Variants in PLD5 observed in about 807,000 individuals in gnomAD.
PLD5 encodes the protein phospholipase D family member 5.
A neutral mutation model predicts 61.1 loss-of-function variants in PLD5; 36 were observed. The ratio of observed to expected loss-of-function variants is 0.59; its 90% CI spans 0.45 to 0.78. PLD5 has a LOEUF of 0.78. Ranked by LOEUF, PLD5 falls within the 30% of genes least tolerant of loss-of-function variation. The probability of loss-of-function intolerance (pLI) is 0.00; values close to 1 mark genes in which losing one functional copy is unlikely to be tolerated. For synonymous variants in PLD5, 243 were observed against 242.8 expected (o/e 1.00, Z -0.01); for missense variants, 515 against 644.4 (o/e 0.80, Z 2.17).
intron 5 of PLD5, among the ~76,000 whole-genome samples, chr1:242,168,873 C>T (rs1244714620): frequency 2.6e-5 from 1 of 38,516 alleles, no homozygotes; most frequent in Non-Finnish European, 4.4e-5. Context: ...TTTTACCACC[C>T]CCCATGATTC....
At chr1:242,191,852 C>T (rs892909991) in intron 5 of PLD5, among the ~76,000 whole-genome samples, 10 of 149,444 alleles carry the variant, frequency 6.7e-5, no homozygotes, top group African/African-American at 2.2e-4. Flanking sequence ...CAGACTGGGG[C>T]GAAATAGGAG....
At chr1:242,245,308 A>G (rs1270202998) in intron 4 of PLD5, among the ~76,000 whole-genome samples, 2 of 152,242 alleles carry the variant, frequency 1.3e-5, no homozygotes, top group African/African-American at 4.8e-5. Flanking sequence ...TGACTGAGGC[A>G]TAATTATAGG....
chr1:242,103,441 A>G (rs1660830316), intron 8 of PLD5, among the ~76,000 whole-genome samples: 1 of 152,142 alleles, frequency 6.6e-6, no homozygotes, highest in African/African-American at 2.4e-5. Context: ...AAACTCCACC[A>G]AGCGTCATGT....
chr1:242,505,195 T>C (rs1668683056), intron 1 of PLD5, among the ~76,000 whole-genome samples: 2 of 152,148 alleles, frequency 1.3e-5, no homozygotes, highest in South Asian at 4.1e-4. Context: ...ACATTAACAA[T>C]AATATGAAAT....
intron 5 of PLD5, among the ~76,000 whole-genome samples, chr1:242,175,547 G>A (rs1446309426): frequency 6.6e-6 from 1 of 152,168 alleles, no homozygotes; most frequent in South Asian, 2.1e-4. Flanking sequence ...ATAAGACAAG[G>A]ATGCCTTCTC....
intron 1 of PLD5, among the ~76,000 whole-genome samples, chr1:242,453,537 T>C (rs370883535): frequency 1.4e-4 from 21 of 152,294 alleles, no homozygotes; most frequent in East Asian, 5.8e-4. Context: ...ATTACCTCCC[T>C]ACACAGTGTA....
Position 242,088,460 on chromosome 1 carries a change from G to T in PLD5, c.*1394C>A, listed in dbSNP as rs1659575297. ...TATTATAATGCTTAGCATTTATATA[G>T]GTTCTTTTGATTTCAAAACAAGTTA... On this transcript the variant is annotated 3_prime_UTR_variant, in exon 10 of 10. Coordinates refer to ENST00000536534, the MANE Select transcript of PLD5 (RefSeq NM_001372062.1). The T allele has an allele frequency of 6.6e-6, 1 of 152,106 alleles. No individual in the cohort carries two copies. The highest frequency in any genetic ancestry group is 1.5e-5 in the Non-Finnish European group (1 of 68,028). The allele number at this position is 152,106 out of a possible 1,614,324, so 9.4% of individuals were successfully genotyped here.
At chr1:242,282,957 G>C (rs1674798864) in intron 3 of PLD5, among the ~76,000 whole-genome samples, 1 of 152,138 alleles carries the variant, frequency 6.6e-6, no homozygotes, top group Non-Finnish European at 1.5e-5. Context: ...TACGGAGTAA[G>C]GGCACCGTCC....
In PLD5 at chr1:242,265,831, A is replaced by G. The variant is rs544453172; in HGVS notation, c.496-383T>C. ...ATTCCAGCTGGTTTTCCAATTTAAAAGCTGTTTCTTAATCTCACTAATCTC... is the reference window on the plus strand; with the variant it reads ...ATTCCAGCTGGTTTTCCAATTTAAAGGCTGTTTCTTAATCTCACTAATCTC... On this transcript the variant is annotated intron_variant, in intron 3 of 9. Coordinates refer to ENST00000536534, the MANE Select transcript of PLD5 (RefSeq NM_001372062.1). Among the ~76,000 whole-genome samples the G allele has an allele frequency of 9.7e-4, 148 of 152,334 alleles. 1 individual carries two copies. Among genetic ancestry groups the G allele is most frequent in the African/African-American group, 3.5e-3 (145 of 41,588 alleles).
chr1:242,107,651 A>C lies in PLD5; in HGVS notation c.1239+20T>G. 2 of 1,552,010 alleles carry C rather than the reference A, an allele frequency of 1.3e-6. No homozygotes were observed. Among genetic ancestry groups the C allele is most frequent in the Non-Finnish European group, 1.7e-6 (2 of 1,152,282 alleles). On this transcript the variant is annotated intron_variant, in intron 8 of 9. Coordinates refer to ENST00000536534, the MANE Select transcript of PLD5 (RefSeq NM_001372062.1). The stretch of plus-strand genomic sequence containing the variant: ...GGGCATTCACTTTTTATTTAATAAC[A>C]CAGTCAACGTAATACTTACAACTTT...
chr1:242,376,102 T>C (rs1472559743), intron 1 of PLD5, among the ~76,000 whole-genome samples: 1 of 152,256 alleles, frequency 6.6e-6, no homozygotes, highest in Non-Finnish European at 1.5e-5. Context: ...GCAACTTTTA[T>C]AGTAGTCCAG....
chr1:242,162,665 G>A (rs532502084), intron 5 of PLD5, among the ~76,000 whole-genome samples: 10 of 152,014 alleles, frequency 6.6e-5, no homozygotes, highest in Non-Finnish European at 1.3e-4. Context: ...AACAAACATT[G>A]AGTTCTAGCT....
intron 1 of PLD5, among the ~76,000 whole-genome samples, chr1:242,444,468 A>C (rs529359505): frequency 6.6e-6 from 1 of 151,890 alleles, no homozygotes; most frequent in Admixed American, 6.6e-5. Context: ...TGTAGCCATT[A>C]GTAATTTCTA....
chr1:242,382,453 G>C (rs1314698320), intron 1 of PLD5, among the ~76,000 whole-genome samples: 2 of 152,142 alleles, frequency 1.3e-5, no homozygotes, highest in African/African-American at 4.8e-5. Context: ...TGTGAGGTGG[G>C]AATGTAATTA....
chr1:242,262,495 C>T (rs1349138062), intron 4 of PLD5, among the ~76,000 whole-genome samples: 1 of 152,060 alleles, frequency 6.6e-6, no homozygotes, highest in Non-Finnish European at 1.5e-5. Context: ...TGGGGGAACA[C>T]GTAAGGTGAT....
intron 1 of PLD5, among the ~76,000 whole-genome samples, chr1:242,455,463 T>A (rs1666916113): frequency 6.6e-6 from 1 of 152,206 alleles, no homozygotes; most frequent in Non-Finnish European, 1.5e-5. Flanking sequence ...ACAAGCAGCT[T>A]AATGAAGTGA....
intron 1 of PLD5, among the ~76,000 whole-genome samples, chr1:242,498,488 T>C (rs1304704064): frequency 6.6e-6 from 1 of 152,222 alleles, no homozygotes; most frequent in African/African-American, 2.4e-5. Context: ...TTAAACATCT[T>C]TTTTTAAACT....
chr1:242,373,160 C>G (rs565221026), intron 1 of PLD5, among the ~76,000 whole-genome samples: 2 of 152,190 alleles, frequency 1.3e-5, no homozygotes, highest in East Asian at 3.9e-4. Context: ...AGACACTTCT[C>G]AAAGAAGACA....
Position 242,124,600 on chromosome 1 carries a change from A to G in PLD5, c.801T>C (p.Phe267=). 1 of 1,613,984 alleles carries G rather than the reference A, an allele frequency of 6.2e-7. No individual in the cohort carries two copies. The highest frequency in any genetic ancestry group is 2.2e-5 in the East Asian group (1 of 44,856). ...TGAATTTTAATGAACTATATAGAGC[A>G]AATATCCTTTGTAAATCTAGGACCA... ...SCLVLDLQRI[F]ALYSSLKFKS... is the part of the protein sequence containing the mutation. Residue 267 remains phenylalanine (F), a synonymous_variant, in exon 6 of 10, where the codon TTT becomes TTC. Transcript: ENST00000536534.
Sources: allele counts gnomAD v4.1 joint callset (sites outside exome capture counted in the v4.1 genomes callset), GRCh38; gene constraint gnomAD v4.1.1; transcripts MANE v1.5; gene names NCBI Gene and HGNC (gene_info 2026-07-23, HGNC 2026-07-21).